Variants in MGAT4C observed in about 807,000 individuals in gnomAD.
MGAT4C encodes the protein alpha-1,3-mannosyl-glycoprotein 4-beta-N-acetylglucosaminyltransferase C.
Under a neutral mutation model 40.1 loss-of-function variants are expected in MGAT4C, and 19 were observed. The observed-to-expected ratio is 0.47, with a 90% CI of 0.33 to 0.70. The LOEUF is 0.70. Ranked by LOEUF, MGAT4C falls within the 30% of genes least tolerant of loss-of-function variation. The pLI, the probability that MGAT4C is intolerant of heterozygous loss-of-function variation, is 0.02. For synonymous variants in MGAT4C, 181 were observed against 187.1 expected (o/e 0.97, Z 0.27); for missense variants, 491 against 563.2 (o/e 0.87, Z 1.30).
chr12:86,547,478 T>C (rs1378128663), intron 2 of MGAT4C, among the ~76,000 whole-genome samples: 2 of 152,136 alleles, frequency 1.3e-5, no homozygotes, highest in Admixed American at 6.5e-5. Flanking sequence ...GTTTATCTCA[T>C]TGATATCTTA....
At chr12:86,566,570 A>ATGTG (rs59351802) in intron 2 of MGAT4C, among the ~76,000 whole-genome samples, 1 of 39,464 alleles carries the variant, frequency 2.5e-5, no homozygotes, top group Non-Finnish European at 6.4e-5. Context: ...ATATATATAT[A>ATGTG]TATATGTATA....
chr12:86,030,933 T>C (rs559578025), intron 2 of MGAT4C, among the ~76,000 whole-genome samples: 2 of 151,892 alleles, frequency 1.3e-5, no homozygotes, highest in South Asian at 2.1e-4. Context: ...TGCAAAATTG[T>C]GCTTAGAGTC....
intron 3 of MGAT4C, among the ~76,000 whole-genome samples, chr12:85,988,841 A>T (rs1885557366): frequency 6.6e-6 from 1 of 152,036 alleles, no homozygotes; most frequent in Admixed American, 6.6e-5. Context: ...TGATTTACAC[A>T]TCAATATCTT....
intron 4 of MGAT4C, among the ~76,000 whole-genome samples, chr12:86,332,325 A>G (rs1333995541): frequency 6.6e-6 from 1 of 152,052 alleles, no homozygotes; most frequent in Non-Finnish European, 1.5e-5. Context: ...ACTCAAGGAA[A>G]GATATTAGGT....
chr12:86,016,879 T>A (rs1283881673), intron 2 of MGAT4C, among the ~76,000 whole-genome samples: 1 of 152,146 alleles, frequency 6.6e-6, no homozygotes, highest in Non-Finnish European at 1.5e-5. Flanking sequence ...CATTTTAATA[T>A]CCATGGATTT....
intron 3 of MGAT4C, among the ~76,000 whole-genome samples, chr12:86,402,714 G>A (rs1490052171): frequency 6.6e-6 from 1 of 151,878 alleles, no homozygotes; most frequent in Non-Finnish European, 1.5e-5. Flanking sequence ...ACATATAGTA[G>A]GCACTGGATT....
At chr12:86,807,370 T>C (rs1285949061) in intron 1 of MGAT4C, among the ~76,000 whole-genome samples, 1 of 152,102 alleles carries the variant, frequency 6.6e-6, no homozygotes, top group Non-Finnish European at 1.5e-5. Context: ...AGTGAGAACA[T>C]GCGGTGTTTG....
At chr12:86,748,214 A>G (rs3922201) in intron 1 of MGAT4C, among the ~76,000 whole-genome samples, 59,368 of 151,258 alleles carry the variant, frequency 0.39, 11,795 homozygotes, top group East Asian at 0.46. Context: ...AAGGCACACT[A>G]ATCTAGTCAT....
chr12:86,723,032 G>T (rs1031741922), intron 2 of MGAT4C, among the ~76,000 whole-genome samples: 6 of 152,162 alleles, frequency 3.9e-5, no homozygotes, highest in South Asian at 2.1e-4. Context: ...TACTGGCATT[G>T]AATTCATGTT....
intron 4 of MGAT4C, among the ~76,000 whole-genome samples, chr12:86,293,104 T>G (rs1420682940): frequency 5.9e-5 from 9 of 152,180 alleles, no homozygotes; most frequent in Non-Finnish European, 1.3e-4. Context: ...GATATGCTGT[T>G]TAGCGCTGAT....
intron 2 of MGAT4C, among the ~76,000 whole-genome samples, chr12:86,712,550 A>G (rs533616125): frequency 6.6e-6 from 1 of 152,266 alleles, no homozygotes; most frequent in East Asian, 1.9e-4. Context: ...CACTTGACAA[A>G]GCATTTATGC....
Position 86,069,786 on chromosome 12 carries a change from T to C in MGAT4C, c.-56-20063A>G, listed in dbSNP as rs184029790. On this transcript the variant is annotated intron_variant, in intron 1 of 4. Coordinates refer to ENST00000611864, the MANE Select transcript of MGAT4C (RefSeq NM_001351288.2). ...CTTACCTGGTTTTAACTAGTGTGTT[T>C]TTAACTCATCTCCATTCTTTTACTC... 3.0e-4 allele frequency among the ~76,000 whole-genome samples: 45 copies of C among 152,290 alleles called. 1 individual carries two copies. The highest frequency in any genetic ancestry group is 6.2e-4 in the Non-Finnish European group (42 of 68,008).
intron 3 of MGAT4C, among the ~76,000 whole-genome samples, chr12:86,345,512 G>A (rs1253026242): frequency 6.6e-6 from 1 of 151,524 alleles, no homozygotes; most frequent in Non-Finnish European, 1.5e-5. Flanking sequence ...ACCTATGAGT[G>A]AGAACATGCA....
intron 3 of MGAT4C, among the ~76,000 whole-genome samples, chr12:86,363,838 A>G (rs1411185683): frequency 6.6e-6 from 1 of 152,080 alleles, no homozygotes; most frequent in African/African-American, 2.4e-5. Flanking sequence ...TATTCAATAT[A>G]TAATAAAATA....
intron 3 of MGAT4C, among the ~76,000 whole-genome samples, chr12:86,383,989 G>A (rs147946819): frequency 1.8e-4 from 28 of 152,222 alleles, no homozygotes; most frequent in African/African-American, 6.3e-4. Context: ...CATGGGGCAG[G>A]TCTTTCCCAT....
chr12:86,267,162 T>G (rs1952807828), intron 4 of MGAT4C, among the ~76,000 whole-genome samples: 1 of 152,166 alleles, frequency 6.6e-6, no homozygotes, highest in African/African-American at 2.4e-5. Context: ...TTTTTGCTTT[T>G]CTAGTCCCTT....
At chr12:86,707,189 T>C (rs1254423202) in intron 2 of MGAT4C, among the ~76,000 whole-genome samples, 1 of 152,184 alleles carries the variant, frequency 6.6e-6, no homozygotes, top group Non-Finnish European at 1.5e-5. Context: ...GCTAAAAAGA[T>C]ACCCAAAATT....
chr12:85,991,752 G>T (rs1885969304), intron 2 of MGAT4C, among the ~76,000 whole-genome samples: 1 of 152,182 alleles, frequency 6.6e-6, no homozygotes, highest in African/African-American at 2.4e-5. Context: ...AGCTCTTAGA[G>T]GGGCAGAGGT....
chr12:86,628,992 G>T (rs548931966), intron 2 of MGAT4C, among the ~76,000 whole-genome samples: 1 of 152,014 alleles, frequency 6.6e-6, no homozygotes, highest in African/African-American at 2.4e-5. Context: ...CTATTAGTGC[G>T]CTGTATTCAG....
Sources: allele counts gnomAD v4.1 joint callset (sites outside exome capture counted in the v4.1 genomes callset), GRCh38; gene constraint gnomAD v4.1.1; transcripts MANE v1.5; gene names NCBI Gene and HGNC (gene_info 2026-07-23, HGNC 2026-07-21).